The following AFF1 variants were observed in gnomAD, a reference collection of about 807,000 sequenced individuals.
The protein encoded by AFF1 is AF4/FMR2 family member 1.
AFF1 carries 48 observed loss-of-function variants against 121.7 expected under a neutral mutation model. The observed-to-expected ratio is 0.39, with a 90% CI of 0.31 to 0.50. The LOEUF (loss-of-function observed/expected upper bound fraction) is 0.50. Ranked by LOEUF, AFF1 falls within the 20% of genes least tolerant of loss-of-function variation. The pLI, the probability that AFF1 is intolerant of heterozygous loss-of-function variation, is 0.76. For synonymous variants in AFF1, 613 were observed against 563.0 expected (o/e 1.09, Z -1.26); for missense variants, 1,523 against 1,511.7 (o/e 1.01, Z -0.12).
chr4:86,981,121 TC>T (rs1412034295), intron 2 of AFF1, among the ~76,000 whole-genome samples: 1 of 152,046 alleles, frequency 6.6e-6, no homozygotes, highest in Non-Finnish European at 1.5e-5. Flanking sequence ...CACGCCACTC[TC>T]CTGCCTCAGC....
chr4:87,127,590 G>T lies in AFF1; in HGVS notation c.2904-53G>T. The T allele has an allele frequency of 2.6e-6, 4 of 1,565,960 alleles. No homozygotes were observed. In the South Asian group the frequency reaches 3.3e-5, roughly 13 times the overall value. On this transcript the variant is annotated intron_variant, in intron 15 of 20. Transcript: ENST00000395146. ...TCACTCTTGGTCTTATCTTGCCCTA[G>T]TCTAGTAATTTTTGGCTCATATGAC...
intron 2 of AFF1, among the ~76,000 whole-genome samples, chr4:87,019,884 C>T (rs199969811): frequency 1.2e-5 from 1 of 82,560 alleles, no homozygotes; most frequent in Non-Finnish European, 2.6e-5. Flanking sequence ...CTGAAGGGGT[C>T]GGGGGGGGGC....
At chr4:86,948,768 T>A (rs1464157738) in intron 2 of AFF1, among the ~76,000 whole-genome samples, 197 bp downstream of exon 2, 1 of 152,224 alleles carries the variant, frequency 6.6e-6, no homozygotes, top group Non-Finnish European at 1.5e-5. Context: ...AATCTAGCAA[T>A]CGCTGAGTCT....
intron 5 of AFF1, among the ~76,000 whole-genome samples, chr4:87,089,288 T>C (rs1724061195): frequency 6.6e-6 from 1 of 152,228 alleles, no homozygotes; most frequent in Non-Finnish European, 1.5e-5. Flanking sequence ...CAAGTATTTT[T>C]AGAAAAATTT....
intron 2 of AFF1, among the ~76,000 whole-genome samples, chr4:86,987,901 T>C (rs58478399): frequency 0.064 from 9,602 of 149,646 alleles, 568 homozygotes; most frequent in African/African-American, 0.15. Context: ...TGCAGTGAGC[T>C]GAGATTGTGC....
intron 10 of AFF1, among the ~76,000 whole-genome samples, chr4:87,107,725 A>G (rs899222444): frequency 2.6e-5 from 4 of 152,244 alleles, no homozygotes; most frequent in African/African-American, 9.6e-5. Flanking sequence ...TGTGGGCCAT[A>G]TATGTCTCTA....
chr4:87,043,867 G>A (rs940529836), intron 2 of AFF1, among the ~76,000 whole-genome samples: 2 of 151,866 alleles, frequency 1.3e-5, no homozygotes, highest in African/African-American at 2.4e-5. Context: ...TGCCCCGGCT[G>A]GAGTACAGTG....
At chr4:87,003,508 C>T (rs924411979) in intron 2 of AFF1, among the ~76,000 whole-genome samples, 3 of 152,210 alleles carry the variant, frequency 2.0e-5, no homozygotes, top group Non-Finnish European at 2.9e-5. Context: ...TTTACCTTGG[C>T]CTCCCAAAGC....
chr4:87,135,794 A>G lies in AFF1; in HGVS notation c.*93A>G. 1 of 1,430,044 alleles carries G rather than the reference A, an allele frequency of 7.0e-7. No individual in the cohort carries two copies. Among genetic ancestry groups the G allele is most frequent in the African/African-American group, 1.4e-5 (1 of 70,180 alleles). 88.6% of individuals were successfully genotyped at this position (1,430,044 alleles called of 1,614,324 possible). Reference sequence around the variant, plus strand: ...AGACATTTGTTTCATCAGGACACCAAACTCTAAAAAAGAAGCACCACGAGA... The same window carrying G: ...AGACATTTGTTTCATCAGGACACCAGACTCTAAAAAAGAAGCACCACGAGA... On this transcript the variant is annotated 3_prime_UTR_variant, in exon 21 of 21. Coordinates refer to ENST00000395146, the MANE Select transcript of AFF1 (RefSeq NM_001166693.3).
At chr4:87,105,368 G>C (rs1725807183) in intron 8 of AFF1, among the ~76,000 whole-genome samples, 1 of 152,178 alleles carries the variant, frequency 6.6e-6, no homozygotes, top group Non-Finnish European at 1.5e-5. Flanking sequence ...GCATGTGAAA[G>C]AGTCTGTTTT....
At chr4:86,963,595 A>G (rs1204000005) in intron 2 of AFF1, among the ~76,000 whole-genome samples, 4 of 152,192 alleles carry the variant, frequency 2.6e-5, no homozygotes, top group Non-Finnish European at 5.9e-5. Context: ...TTTTAACCTT[A>G]TAAAGATCTT....
rs548517285 is a variant in AFF1, at chr4:87,095,598, T to G, written c.1283+629T>G. ...TAGCTTTAGCTGTTAGAAACAAGTTTTGGGGGATGTGCACAATTGAAGATT... is the reference window on the plus strand; with the variant it reads ...TAGCTTTAGCTGTTAGAAACAAGTTGTGGGGGATGTGCACAATTGAAGATT... On this transcript the variant is annotated intron_variant, in intron 8 of 20. Coordinates refer to ENST00000395146, the MANE Select transcript of AFF1 (RefSeq NM_001166693.3). 9.8e-5 allele frequency among the ~76,000 whole-genome samples: 15 copies of G among 152,302 alleles called. No homozygotes were observed. In the East Asian group the frequency reaches 2.9e-3, roughly 29 times the overall value.
chr4:87,117,850 C>T (rs1481385871), intron 12 of AFF1, among the ~76,000 whole-genome samples: 1 of 151,774 alleles, frequency 6.6e-6, no homozygotes, highest in Non-Finnish European at 1.5e-5. Context: ...ACAGGTTGTC[C>T]CCCCTTCCTC....
At chr4:87,049,682 C>A in intron 4 of AFF1, 1 of 456,208 alleles carries the variant, frequency 2.2e-6, no homozygotes, top group Non-Finnish European at 4.4e-6. Context: ...TGCGGTGGTT[C>A]CCTCTGGTCT....
At position 87,046,735 on chromosome 4, in the gene AFF1, T is replaced by C. The variant is rs745338904; in HGVS notation, c.200T>C (p.Met67Thr). The stretch of plus-strand genomic sequence containing the variant: ...GAGCTGTCTAGTCGAATACAGAACA[T>C]GTTGGGAAACTACGAAGAAGTGAAG... ...GDELSSRIQN[M>T]LGNYEEVKEF... Residue 67 changes from methionine to threonine, a missense_variant, in exon 4 of 21, where the codon ATG becomes ACG. By Grantham distance (81) the Met-to-Thr change is moderately conservative. Coordinates refer to ENST00000395146, the MANE Select transcript of AFF1 (RefSeq NM_001166693.3). 6.2e-7 allele frequency: 1 copy of C among 1,614,176 alleles called. No individual in the cohort carries two copies. The highest frequency in any genetic ancestry group is 1.3e-5 in the African/African-American group (1 of 75,050).
intron 2 of AFF1, among the ~76,000 whole-genome samples, chr4:87,019,622 A>G (rs1173182545): frequency 2.0e-5 from 3 of 152,212 alleles, no homozygotes; most frequent in African/African-American, 7.2e-5. Flanking sequence ...TGGATAGCTG[A>G]GCATGTGGAG....
intron 1 of AFF1, among the ~76,000 whole-genome samples, chr4:86,943,141 G>C (rs1720588364): frequency 6.6e-6 from 1 of 152,210 alleles, no homozygotes; most frequent in Admixed American, 6.5e-5. Flanking sequence ...ATGTGTACTT[G>C]AGTGTAGCGT....
intron 2 of AFF1, among the ~76,000 whole-genome samples, chr4:86,961,392 G>A (rs1722131963): frequency 6.6e-6 from 1 of 152,098 alleles, no homozygotes. Context: ...TACTTTCTGA[G>A]CTCTGGTTTA....
intron 12 of AFF1, among the ~76,000 whole-genome samples, chr4:87,119,750 C>G (rs1727496677): frequency 6.6e-6 from 1 of 152,180 alleles, no homozygotes; most frequent in Non-Finnish European, 1.5e-5. Context: ...GAGGTGCATT[C>G]ATTCAAATCT....
Sources: allele counts gnomAD v4.1 joint callset (sites outside exome capture counted in the v4.1 genomes callset), GRCh38; gene constraint gnomAD v4.1.1; transcripts MANE v1.5; gene names NCBI Gene and HGNC (gene_info 2026-07-23, HGNC 2026-07-21).